The following HSPA4 variants were observed in gnomAD, a reference collection of about 807,000 sequenced individuals.
HSPA4 encodes the protein heat shock protein family A (Hsp70) member 4, also known as heat shock 70 kDa protein 4.
Under a neutral mutation model 106.2 loss-of-function variants are expected in HSPA4, and 25 were observed. The ratio of observed to expected loss-of-function variants is 0.24; its 90% CI spans 0.17 to 0.33. HSPA4 has a LOEUF of 0.33. HSPA4 is among the 10% of genes least tolerant of loss of function. The probability of loss-of-function intolerance (pLI) is 1.00; values close to 1 mark genes in which losing one functional copy is unlikely to be tolerated. For missense variants in HSPA4, 841 were observed against 996.0 expected, an observed-to-expected ratio of 0.84 and a Z score of 2.10; for synonymous variants, 332 against 333.6, an observed-to-expected ratio of 1.00 and a Z score of 0.05.
At position 133,073,298 on chromosome 5, in the gene HSPA4, T is replaced by C. The variant is rs1321859386; in HGVS notation, c.498T>C (p.Asn166=). 2 of 1,612,090 alleles carry C rather than the reference T, an allele frequency of 1.2e-6. No individual in the cohort carries two copies. The highest frequency in any genetic ancestry group is 1.7e-5 in the Admixed American group (1 of 59,952). ...VMDATQIAGL[N]CLRLMNETTA... is the part of the protein sequence containing the mutation. ...ATGCAACACAGATTGCTGGTCTTAA[T>C]TGCTTGCGATTAATGAATGAAACCA... The change falls in exon 5 of 19, where the codon AAT becomes AAC. Residue 166 remains asparagine, a synonymous_variant. Coordinates refer to ENST00000304858, the MANE Select transcript of HSPA4 (RefSeq NM_002154.4).
intron 7 of HSPA4, among the ~76,000 whole-genome samples, chr5:133,083,258 G>A (rs1765537058): frequency 6.6e-6 from 1 of 152,048 alleles, no homozygotes. Flanking sequence ...GTAGCAGTGA[G>A]CTGAGATCGT....
intron 1 of HSPA4, among the ~76,000 whole-genome samples, chr5:133,063,466 T>C (rs1765270193): frequency 6.6e-6 from 1 of 152,100 alleles, no homozygotes; most frequent in Non-Finnish European, 1.5e-5. Flanking sequence ...GTCTCGCTGT[T>C]GTTGCCCAGG....
In HSPA4 at chr5:133,070,428, C is replaced by A; in HGVS notation, c.361C>A (p.Leu121Ile). The A allele has an allele frequency of 6.2e-7, 1 of 1,611,054 alleles. No homozygotes were observed. The highest frequency in any genetic ancestry group is 8.5e-7 in the Non-Finnish European group (1 of 1,179,290). ...NFTTEQVTAM[L>I]LSKLKETAES... Reference sequence around the variant, plus strand: ...TACCACTGAGCAAGTGACTGCCATGCTTTTGTCCAAACTGAAGGAGACAGC... The same window carrying A: ...TACCACTGAGCAAGTGACTGCCATGATTTTGTCCAAACTGAAGGAGACAGC... The change falls in exon 4 of 19, where the codon CTT becomes ATT. Residue 121 changes from leucine to isoleucine, a missense_variant. Leu to Ile is a conservative substitution (Grantham distance 5, BLOSUM62 2). Coordinates refer to ENST00000304858, the MANE Select transcript of HSPA4 (RefSeq NM_002154.4).
Position 133,092,725 on chromosome 5 carries a change from C to T in HSPA4, c.1586C>T (p.Pro529Leu), listed in dbSNP as rs1410639125. The T allele has an allele frequency of 6.2e-6, 10 of 1,608,864 alleles. No individual in the cohort carries two copies. Among genetic ancestry groups the T allele is most frequent in the Non-Finnish European group, 8.5e-6 (10 of 1,177,598 alleles). Residue 529 changes from proline to leucine, a missense_variant, in exon 13 of 19, where the codon CCA (proline) becomes CTA (leucine). Pro to Leu is a moderately conservative substitution (Grantham distance 98). Coordinates refer to ENST00000304858, the MANE Select transcript of HSPA4 (RefSeq NM_002154.4). ...EEKMQVDQEE[P>L]HVEEQQQQTP... is the part of the protein sequence containing the mutation. ...AAGATGCAAGTGGACCAGGAGGAAC[C>T]ACATGTTGAAGAGCAACAGCAGCAG...
chr5:133,096,335 C>A, intron 14 of HSPA4, 85 bp downstream of exon 14: 1 of 1,293,690 alleles, frequency 7.7e-7, no homozygotes. Context: ...TGACTTTTTG[C>A]ATTTTTGATT....
chr5:133,072,420 A>C (rs1390652279), intron 4 of HSPA4, among the ~76,000 whole-genome samples: 5 of 61,902 alleles, frequency 8.1e-5, no homozygotes, highest in African/African-American at 3.4e-4. Context: ...TTTTTTGGAG[A>C]CTGAGTTTCG....
intron 17 of HSPA4, among the ~76,000 whole-genome samples, chr5:133,103,349 G>T (rs1449468207): frequency 6.6e-6 from 1 of 151,182 alleles, no homozygotes; most frequent in Non-Finnish European, 1.5e-5. Flanking sequence ...GAGCCACCAC[G>T]CCTAGCCCGA....
At position 133,076,786 on chromosome 5, in the gene HSPA4, C is replaced by G; in HGVS notation, c.796C>G (p.Leu266Val). The change falls in exon 7 of 19, where the codon CTC becomes GTC. Residue 266 changes from leucine (L) to valine (V), a missense_variant. Leu to Val is a conservative substitution (Grantham distance 32). Around this residue, in one of 5 missense-constraint regions of HSPA4, gnomAD observed 347 missense variants for 408.7 expected, o/e 0.85. Transcript: ENST00000304858. ...IKSKIRALLR[L>V]SQECEKLKKL... ...GTCCAAAATCCGTGCATTATTACGA[C>G]TCTCTCAGGAGTGTGAGAAACTCAA... 4 of 1,613,862 alleles carry G rather than the reference C, an allele frequency of 2.5e-6. No individual in the cohort carries two copies. The highest frequency in any genetic ancestry group is 3.4e-6 in the Non-Finnish European group (4 of 1,179,820).
At chr5:133,102,518 T>C (rs1376459653) in intron 17 of HSPA4, among the ~76,000 whole-genome samples, 1 of 152,148 alleles carries the variant, frequency 6.6e-6, no homozygotes, top group Admixed American at 6.5e-5. Context: ...TAGGGGGTGG[T>C]ATCAACATTT....
Position 133,052,028 on chromosome 5 carries a change from C to T in HSPA4, c.-223C>T, listed in dbSNP as rs953165826. 15 of 542,184 alleles carry T rather than the reference C, an allele frequency of 2.8e-5. 2 individuals carry two copies. The highest frequency in any genetic ancestry group is 7.0e-5 in the Admixed American group (2 of 28,420). 33.6% of individuals were successfully genotyped at this position (542,184 alleles called of 1,614,324 possible). On this transcript the variant is annotated 5_prime_UTR_variant, in exon 1 of 19. Coordinates refer to ENST00000304858, the MANE Select transcript of HSPA4 (RefSeq NM_002154.4). ...GAGATCTTTCGAGATCTTCTCCGCC[C>T]CCGCTACCGGCGCCTCCTCTGCGGC...
At chr5:133,054,536 C>T (rs899262991) in intron 1 of HSPA4, among the ~76,000 whole-genome samples, 2 of 152,152 alleles carry the variant, frequency 1.3e-5, no homozygotes, top group African/African-American at 4.8e-5. Context: ...ATATACTATA[C>T]AATTTAACCA....
At chr5:133,060,633 A>T (rs1765228893) in intron 1 of HSPA4, among the ~76,000 whole-genome samples, 2 of 152,110 alleles carry the variant, frequency 1.3e-5, no homozygotes. Context: ...AAGTGTTGGG[A>T]TTACAGGCCT....
intron 1 of HSPA4, among the ~76,000 whole-genome samples, chr5:133,055,913 A>C (rs1346828356): frequency 6.6e-6 from 1 of 152,114 alleles, no homozygotes; most frequent in African/African-American, 2.4e-5. Context: ...CCCTGTCTCT[A>C]CTAAAAATAC....
At position 133,105,373 on chromosome 5, in the gene HSPA4, T is replaced by C. The variant is rs1765843575; in HGVS notation, c.*937T>C. On this transcript the variant is annotated 3_prime_UTR_variant, in exon 19 of 19. Transcript: ENST00000304858. Reference sequence around the variant, plus strand: ...CAATCACTTGTGTGTTAAGTGTTAATATCTGTCATGAACCTGCCAATTTGT... The same window carrying C: ...CAATCACTTGTGTGTTAAGTGTTAACATCTGTCATGAACCTGCCAATTTGT... The C allele has an allele frequency of 6.6e-6, 1 of 152,218 alleles. No individual in the cohort carries two copies. Among genetic ancestry groups the C allele is most frequent in the Non-Finnish European group, 1.5e-5 (1 of 68,044 alleles). The allele number at this position is 152,218 out of a possible 1,614,324, so 9.4% of individuals were successfully genotyped here.
chr5:133,054,095 T>A (rs1390623112), intron 1 of HSPA4, among the ~76,000 whole-genome samples: 2 of 152,088 alleles, frequency 1.3e-5, no homozygotes, highest in Admixed American at 6.6e-5. Context: ...ACCCCCCACC[T>A]CCTAACCCAG....
chr5:133,097,378 G>T, intron 15 of HSPA4, 92 bp downstream of exon 15: 1 of 1,088,948 alleles, frequency 9.2e-7, no homozygotes, highest in Non-Finnish European at 1.3e-6. Flanking sequence ...TATGTGTATA[G>T]TAGAATTATT....
At chr5:133,060,229 T>G (rs753850583) in intron 1 of HSPA4, among the ~76,000 whole-genome samples, 11 of 152,164 alleles carry the variant, frequency 7.2e-5, no homozygotes, top group Non-Finnish European at 1.6e-4. Context: ...ACAGTAAACT[T>G]GTACCAAGAA....
chr5:133,060,670 C>T (rs1197166586), intron 1 of HSPA4, among the ~76,000 whole-genome samples: 1 of 151,842 alleles, frequency 6.6e-6, no homozygotes. Context: ...TGCTGTTTTA[C>T]ATACTGACCC....
chr5:133,099,094 G>C (rs1765751948), intron 15 of HSPA4, among the ~76,000 whole-genome samples: 1 of 152,004 alleles, frequency 6.6e-6, no homozygotes, highest in African/African-American at 2.4e-5. Context: ...TGCCATCCTT[G>C]TTTTCTGTAT....
Sources: allele counts gnomAD v4.1 joint callset (sites outside exome capture counted in the v4.1 genomes callset), GRCh38; gene constraint gnomAD v4.1.1; regional missense constraint gnomAD v4.1.1; transcripts MANE v1.5; gene names NCBI Gene and HGNC (gene_info 2026-07-23, HGNC 2026-07-21).